The following CELF2 variants were observed in gnomAD, a reference collection of about 807,000 sequenced individuals.
CELF2 encodes the protein CUG triplet repeat RNA-binding protein 2.
Under a neutral mutation model 62.6 loss-of-function variants are expected in CELF2, and 8 were observed. The observed-to-expected ratio is 0.13, with a 90% CI of 0.07 to 0.23. CELF2 has a LOEUF of 0.23. Among genes scored for constraint, CELF2 ranks in the 10% least tolerant of loss-of-function variants. The pLI, the probability that CELF2 is intolerant of heterozygous loss-of-function variation, is 1.00. For synonymous variants in CELF2, 258 were observed against 250.0 expected (o/e 1.03, Z -0.30); for missense variants, 333 against 671.0 (o/e 0.50, Z 5.56).
At chr10:10,832,274 A>T (rs4749994) in intron 1 of CELF2, among the ~76,000 whole-genome samples, 39 of 33,712 alleles carry the variant, frequency 1.2e-3, no homozygotes, top group Admixed American at 9.9e-3. Flanking sequence ...TCTAAAAAAA[A>T]AAAATAAAAA....
chr10:10,541,971 T>G, the CELF2 span, among the ~76,000 whole-genome samples: 1 of 152,216 alleles, frequency 6.6e-6, no homozygotes, highest in Non-Finnish European at 1.5e-5. Context: ...CTAAGAAATT[T>G]TACTTGCTAA....
intron 1 of CELF2, among the ~76,000 whole-genome samples, chr10:11,028,234 G>T (rs573967525): frequency 2.0e-5 from 3 of 151,626 alleles, no homozygotes; most frequent in Non-Finnish European, 4.4e-5. Context: ...ATTCTGGGAT[G>T]GGGGGGAAGC....
rs1175775301 is a variant in CELF2 at position 11,328,246 on chromosome 10, TGGAAAGTGAGATAAGGAGAA to T, written c.1439-679_1439-660del. The stretch of plus-strand genomic sequence containing the variant: ...GCTGAATTTACTGGAGCTTTGGAAA[TGGAAAGTGAGATAAGGAGAA>T]AGGCCCAGCACTTCCCTAGTCTCCT... On this transcript the variant is annotated intron_variant, in intron 12 of 12. Transcript: ENST00000633077. This position sits in a 1 kb window ranked among gnomAD's most constrained non-coding sequence, Gnocchi z 6.4. 6.6e-6 allele frequency among the ~76,000 whole-genome samples: 1 copy of T among 152,184 alleles called. No individual in the cohort carries two copies. The highest frequency in any genetic ancestry group is 1.5e-5 in the Non-Finnish European group (1 of 68,022).
chr10:10,525,875 A>G, the CELF2 span, among the ~76,000 whole-genome samples: 1 of 152,152 alleles, frequency 6.6e-6, no homozygotes, highest in Non-Finnish European at 1.5e-5. Flanking sequence ...TGATAGCTCT[A>G]TTTTTAATTT....
chr10:10,689,055 G>T, the CELF2 span, among the ~76,000 whole-genome samples: 2 of 151,930 alleles, frequency 1.3e-5, no homozygotes, highest in Non-Finnish European at 2.9e-5. Flanking sequence ...AAAAAATATG[G>T]TATCATTTCT....
At position 10,938,804 on chromosome 10, in the gene CELF2, G is replaced by C. The variant is rs879702440; in HGVS notation, c.89+18805G>C. On this transcript the variant is annotated intron_variant, in intron 2 of 13. Coordinates refer to the CELF2 transcript ENST00000636488. This position sits in a 1 kb window ranked among gnomAD's most constrained non-coding sequence, Gnocchi z 4.2. ...TGGACAACTCAGGCTCGAGCCCGCT[G>C]GGGACCCCGTGAAGCACTGCCCCAC... is the stretch of plus-strand genomic sequence containing the variant. Among the ~76,000 whole-genome samples, 1 of 152,200 alleles carries C rather than the reference G, an allele frequency of 6.6e-6. No homozygotes were observed. The highest frequency in any genetic ancestry group is 6.5e-5 in the Admixed American group (1 of 15,284).
chr10:10,598,747 C>CTTTTTTTT, the CELF2 span, among the ~76,000 whole-genome samples: 1 of 73,182 alleles, frequency 1.4e-5, no homozygotes, highest in East Asian at 3.3e-4. Context: ...TTTTCTTTTT[C>CTTTTTTTT]TTTCTTTTTT....
chr10:11,182,066 T>A (rs1203739587), intron 2 of CELF2, among the ~76,000 whole-genome samples: 3 of 152,116 alleles, frequency 2.0e-5, no homozygotes, highest in African/African-American at 7.2e-5. Flanking sequence ...TAAAATAAAA[T>A]AAGGAAGGAG....
chr10:10,910,152 T>G (rs554219084), intron 1 of CELF2, among the ~76,000 whole-genome samples: 5 of 152,352 alleles, frequency 3.3e-5, no homozygotes, highest in Admixed American at 3.3e-4. Flanking sequence ...TGGGCATTAT[T>G]GCAAAATAGG....
At chr10:11,065,784 A>G (rs150470490) in intron 1 of CELF2, among the ~76,000 whole-genome samples, 3 of 152,312 alleles carry the variant, frequency 2.0e-5, no homozygotes, top group East Asian at 3.9e-4. Context: ...TACTATGGTC[A>G]GGGTGAGGGG....
chr10:11,321,041 TTTCA>T lies in CELF2; in HGVS notation c.1097-145_1097-142del. 7.6e-7 allele frequency: 1 copy of T among 1,316,272 alleles called. No individual in the cohort carries two copies. The allele number at this position is 1,316,272 out of a possible 1,614,324, so 81.5% of individuals were successfully genotyped here. A position where few individuals can be genotyped will look rare whatever the true frequency, so the allele number is the denominator to read the frequency against. On this transcript the variant is annotated intron_variant, in intron 10 of 12. Transcript: ENST00000633077. This position sits in a 1 kb window ranked among gnomAD's most constrained non-coding sequence, Gnocchi z 6.2. ...ATTATCACGATTTATTTCTTCATGG[TTTCA>T]TTTTTAGTTTCCTGTCAGTGTAATT...
chr10:10,849,557 C>G (rs149639367), intron 1 of CELF2, among the ~76,000 whole-genome samples: 5 of 152,298 alleles, frequency 3.3e-5, no homozygotes, highest in Non-Finnish European at 7.4e-5. Flanking sequence ...GACTGAGTTA[C>G]AGATCTGATG....
chr10:11,235,347 T>C (rs1338235934), intron 3 of CELF2, among the ~76,000 whole-genome samples: 1 of 152,246 alleles, frequency 6.6e-6, no homozygotes, highest in African/African-American at 2.4e-5. Context: ...CACATATTCC[T>C]CATCTGTGTT....
intron 1 of CELF2, among the ~76,000 whole-genome samples, chr10:10,804,235 A>G (rs1182879227): frequency 6.6e-6 from 1 of 152,256 alleles, no homozygotes; most frequent in Non-Finnish European, 1.5e-5. Flanking sequence ...AGTTTCTGTC[A>G]CAACTATACA....
At chr10:11,127,191 G>A (rs1236826967) in intron 1 of CELF2, among the ~76,000 whole-genome samples, 9 of 151,966 alleles carry the variant, frequency 5.9e-5, no homozygotes, top group African/African-American at 1.9e-4. Flanking sequence ...GATGGTTTCC[G>A]ACTGCATTCA....
rs532635421 is a variant in CELF2, at chr10:11,302,017, G to T, written c.977-12122G>T. Among the ~76,000 whole-genome samples, 1 of 152,182 alleles carries T rather than the reference G, an allele frequency of 6.6e-6. No individual in the cohort carries two copies. The highest frequency in any genetic ancestry group is 2.4e-5 in the African/African-American group (1 of 41,450). Reference sequence around the variant, plus strand: ...CTCAGCAGATGCCAGCTCAGTGCCCGCTGCACCAGTGATTCTCATAGTTTC... The same window carrying T: ...CTCAGCAGATGCCAGCTCAGTGCCCTCTGCACCAGTGATTCTCATAGTTTC... On this transcript the variant is annotated intron_variant, in intron 9 of 12. Transcript: ENST00000633077. This position sits in a 1 kb window ranked among gnomAD's most constrained non-coding sequence, Gnocchi z 5.0.
At chr10:10,869,721 G>A (rs1438107136) in intron 1 of CELF2, among the ~76,000 whole-genome samples, 4 of 151,966 alleles carry the variant, frequency 2.6e-5, no homozygotes, top group African/African-American at 7.3e-5. Context: ...CTTTACTTTC[G>A]TATGGTGTCT....
intron 1 of CELF2, among the ~76,000 whole-genome samples, chr10:10,837,741 A>T (rs2058397672): frequency 6.6e-6 from 1 of 152,136 alleles, no homozygotes; most frequent in South Asian, 2.1e-4. Context: ...ACCTCCCTAT[A>T]TGCCATCCCC....
chr10:11,271,489 G>C (rs1360044363), intron 7 of CELF2, among the ~76,000 whole-genome samples: 3 of 152,218 alleles, frequency 2.0e-5, no homozygotes, highest in African/African-American at 4.8e-5. Context: ...GTGTGGACTT[G>C]AGGGCATCTG....
Sources: allele counts gnomAD v4.1 joint callset (sites outside exome capture counted in the v4.1 genomes callset), GRCh38; gene constraint gnomAD v4.1.1; non-coding constraint Gnocchi (gnomAD v3.1); transcripts MANE v1.5; gene names NCBI Gene and HGNC (gene_info 2026-07-23, HGNC 2026-07-21).